Variants in TTC7B observed in about 807,000 individuals in gnomAD.
The protein encoded by TTC7B is tetratricopeptide repeat domain 7B.
In TTC7B, 28 loss-of-function variants were observed where a neutral mutation model predicts 106.8. The ratio of observed to expected loss-of-function variants is 0.26; its 90% CI spans 0.19 to 0.36. The LOEUF is 0.36. TTC7B is among the 10% of genes least tolerant of loss of function. TTC7B has a pLI of 1.00. For synonymous variants in TTC7B, 405 were observed against 430.6 expected (o/e 0.94, Z 0.74); for missense variants, 862 against 1,076.4 (o/e 0.80, Z 2.79).
At chr14:90,714,736 C>T (rs1229549305) in intron 5 of TTC7B, among the ~76,000 whole-genome samples, 1 of 152,002 alleles carries the variant, frequency 6.6e-6, no homozygotes, top group South Asian at 2.1e-4. Flanking sequence ...AGATTATAGG[C>T]GTGAGCCACC....
At chr14:90,708,166 A>C (rs932079501) in intron 5 of TTC7B, among the ~76,000 whole-genome samples, 1 of 151,360 alleles carries the variant, frequency 6.6e-6, no homozygotes, top group Non-Finnish European at 1.5e-5. Context: ...AAAAAAAAAA[A>C]AAAAGTGCAA....
rs570612297 is a variant in TTC7B at position 90,569,350 on chromosome 14, C to T, written c.2310+8756G>A. 2.0e-3 allele frequency among the ~76,000 whole-genome samples: 304 copies of T among 152,280 alleles called. 3 individuals carry two copies. The highest frequency in any genetic ancestry group is 7.0e-3 in the African/African-American group (289 of 41,558). Reference sequence around the variant, plus strand: ...TGTGATCACAATCTACAGAGGGAACCGCCATATGCAGGGCTGAGGCTGTGT... The same window carrying T: ...TGTGATCACAATCTACAGAGGGAACTGCCATATGCAGGGCTGAGGCTGTGT... On this transcript the variant is annotated intron_variant, in intron 19 of 19. Transcript: ENST00000328459.
intron 1 of TTC7B, among the ~76,000 whole-genome samples, chr14:90,792,188 C>A (rs1002704469): frequency 6.6e-6 from 1 of 152,116 alleles, no homozygotes; most frequent in East Asian, 1.9e-4. Context: ...AAGTGCTATG[C>A]GGATTCAGGG....
chr14:90,637,914 C>T (rs1885010608), intron 15 of TTC7B, among the ~76,000 whole-genome samples: 1 of 152,162 alleles, frequency 6.6e-6, no homozygotes. Flanking sequence ...TTCTTTTTTT[C>T]TGAGGCAGGG....
intron 9 of TTC7B, among the ~76,000 whole-genome samples, chr14:90,667,344 A>G (rs190344093): frequency 1.2e-4 from 18 of 152,228 alleles, no homozygotes; most frequent in Non-Finnish European, 2.1e-4. Flanking sequence ...ACAACGACAT[A>G]GCAGAAAGGA....
chr14:90,707,170 A>C (rs950781397), intron 5 of TTC7B, among the ~76,000 whole-genome samples: 1 of 152,202 alleles, frequency 6.6e-6, no homozygotes, highest in South Asian at 2.1e-4. Context: ...AATACTAATA[A>C]TACCACCATC....
intron 15 of TTC7B, among the ~76,000 whole-genome samples, chr14:90,637,327 T>TA (rs978373526): frequency 6.0e-5 from 9 of 150,700 alleles, no homozygotes; most frequent in Middle Eastern, 3.4e-3. Flanking sequence ...CATAGCTTAA[T>TA]AAAAAAAAAG....
At chr14:90,603,017 T>C (rs768265760) in intron 17 of TTC7B, among the ~76,000 whole-genome samples, 3 of 152,206 alleles carry the variant, frequency 2.0e-5, no homozygotes, top group Non-Finnish European at 2.9e-5. Context: ...TGCCTTCTTT[T>C]GTAGTCCTTC....
At position 90,527,057 on chromosome 14, in the gene TTC7B, A is replaced by G. The variant is rs1384751254; in HGVS notation, c.*14311T>C. The G allele has an allele frequency of 1.3e-5, 2 of 151,974 alleles. No individual in the cohort carries two copies. The highest frequency in any genetic ancestry group is 4.8e-5 in the African/African-American group (2 of 41,358). The allele number at this position is 151,974 out of a possible 1,614,324, so 9.4% of individuals were successfully genotyped here. On this transcript the variant is annotated 3_prime_UTR_variant, in exon 20 of 20. Coordinates refer to ENST00000328459, the MANE Select transcript of TTC7B (RefSeq NM_001010854.2). ...GAGGGGTATTGGTCAGGTATTTTGT[A>G]GAAAGTTCATCGGTTTGGGTTTGTC...
intron 6 of TTC7B, among the ~76,000 whole-genome samples, chr14:90,691,746 G>A (rs1876318296): frequency 6.6e-6 from 1 of 152,174 alleles, no homozygotes; most frequent in South Asian, 2.1e-4. Context: ...ATTATTTAAA[G>A]TGTACAATCC....
At chr14:90,770,025 C>T (rs1318872252) in intron 3 of TTC7B, among the ~76,000 whole-genome samples, 1 of 152,048 alleles carries the variant, frequency 6.6e-6, no homozygotes, top group Non-Finnish European at 1.5e-5. Flanking sequence ...TGGTACACAT[C>T]TGTAGTTCCA....
chr14:90,681,441 T>C (rs1887043234), intron 7 of TTC7B, among the ~76,000 whole-genome samples: 2 of 151,996 alleles, frequency 1.3e-5, no homozygotes, highest in Non-Finnish European at 2.9e-5. Context: ...AGGGATAATA[T>C]TACAATCATG....
intron 3 of TTC7B, among the ~76,000 whole-genome samples, chr14:90,778,708 A>T (rs547680036): frequency 1.3e-5 from 2 of 152,352 alleles, no homozygotes; most frequent in Non-Finnish European, 2.9e-5. Flanking sequence ...GACAGATGCA[A>T]ACAAAGCCGA....
At chr14:90,665,485 C>T (rs890207024) in intron 9 of TTC7B, among the ~76,000 whole-genome samples, 1 of 152,222 alleles carries the variant, frequency 6.6e-6, no homozygotes, top group African/African-American at 2.4e-5. Flanking sequence ...AGGGATTTAG[C>T]AATTACCTCC....
intron 18 of TTC7B, among the ~76,000 whole-genome samples, chr14:90,586,662 A>G (rs1891727945): frequency 6.6e-6 from 1 of 152,166 alleles, no homozygotes; most frequent in Non-Finnish European, 1.5e-5. Flanking sequence ...CTTAGCACCT[A>G]TCTTAGGCCT....
chr14:90,710,032 T>A (rs1595305801), intron 5 of TTC7B, among the ~76,000 whole-genome samples: 10 of 106,528 alleles, frequency 9.4e-5, no homozygotes, highest in Admixed American at 2.0e-4. Flanking sequence ...TAACTGTCAA[T>A]ATTTTGGATA....
At chr14:90,792,251 T>C (rs1891611073) in intron 1 of TTC7B, among the ~76,000 whole-genome samples, 1 of 152,110 alleles carries the variant, frequency 6.6e-6, no homozygotes, top group Non-Finnish European at 1.5e-5. Flanking sequence ...AGAGTCGTGA[T>C]GCCAAGATGT....
chr14:90,670,496 A>G (rs1039040248), intron 9 of TTC7B, among the ~76,000 whole-genome samples: 1 of 152,166 alleles, frequency 6.6e-6, no homozygotes, highest in African/African-American at 2.4e-5. Flanking sequence ...AAAGGTTAAC[A>G]TGGCATATTA....
At chr14:90,773,137 A>G (rs568590335) in intron 3 of TTC7B, among the ~76,000 whole-genome samples, 164 of 152,332 alleles carry the variant, frequency 1.1e-3, no homozygotes, top group Middle Eastern at 6.8e-3. Flanking sequence ...TCCCAGCCTC[A>G]GCTGTCCATG....
Sources: gnomAD v4.1 joint callset for allele counts (sites outside exome capture counted in the v4.1 genomes callset) on GRCh38, gnomAD v4.1.1 for gene constraint, MANE v1.5 for transcripts, NCBI Gene and HGNC (gene_info 2026-07-23, HGNC 2026-07-21) for gene names.